Variants in MAPK10 observed in about 807,000 individuals in gnomAD.
The protein encoded by MAPK10 is mitogen-activated protein kinase 10, also known as JNK3 alpha protein kinase.
In MAPK10, 25 loss-of-function variants were observed where a neutral mutation model predicts 59.3. That is an observed-to-expected ratio of 0.42 (90% confidence interval 0.31 to 0.59). MAPK10 has a LOEUF of 0.59. Among genes scored for constraint, MAPK10 ranks in the 20% least tolerant of loss-of-function variants. The pLI is 0.15. For missense variants in MAPK10, 351 were observed against 568.9 expected (o/e 0.62, Z 3.90); for synonymous variants, 190 against 200.5 (o/e 0.95, Z 0.44).
intron 2 of MAPK10, among the ~76,000 whole-genome samples, chr4:86,198,744 A>G (rs1219879220): frequency 6.6e-6 from 1 of 151,654 alleles, no homozygotes; most frequent in Non-Finnish European, 1.5e-5. Context: ...TAAAATTAAT[A>G]ATCTGTGTAT....
intron 4 of MAPK10, among the ~76,000 whole-genome samples, chr4:86,148,015 T>G (rs2065424468): frequency 6.6e-6 from 1 of 152,192 alleles, no homozygotes; most frequent in Non-Finnish European, 1.5e-5. Context: ...ATTGATAAAT[T>G]TAATAGTTAA....
chr4:86,026,223 G>T (rs1750137758), intron 13 of MAPK10, among the ~76,000 whole-genome samples: 2 of 152,142 alleles, frequency 1.3e-5, no homozygotes, highest in Admixed American at 1.3e-4. Context: ...AGGTGGAAGA[G>T]GGCTGGTGAA....
At position 86,246,356 on chromosome 4, in the gene MAPK10, A is replaced by G. The variant is rs1277126651; in HGVS notation, c.-6-51949T>C. Among the ~76,000 whole-genome samples, 4 of 152,238 alleles carry G rather than the reference A, an allele frequency of 2.6e-5. No individual in the cohort carries two copies. The East Asian group carries it at 7.7e-4, about 29-fold the overall frequency. On this transcript the variant is annotated intron_variant, in intron 2 of 13. Transcript: ENST00000641462. Reference sequence around the variant, plus strand: ...TGAGGGAGGAGAATGGTGTGAACCCATGAGGCGGAGCTTGCAGTGAGCCAA... The same window carrying G: ...TGAGGGAGGAGAATGGTGTGAACCCGTGAGGCGGAGCTTGCAGTGAGCCAA...
At chr4:86,362,692 G>A (rs1737198323), upstream of MAPK10, among the ~76,000 whole-genome samples, 1 of 152,180 alleles carries the variant, frequency 6.6e-6, no homozygotes, top group East Asian at 1.9e-4. Flanking sequence ...ATATGAAAAA[G>A]TATTATATAT....
At chr4:86,305,924 G>A (rs577968831) in intron 2 of MAPK10, among the ~76,000 whole-genome samples, 1 of 151,966 alleles carries the variant, frequency 6.6e-6, no homozygotes, top group South Asian at 2.1e-4. Flanking sequence ...CAATTGTCAT[G>A]CTTAATATTA....
chr4:86,355,904 T>A (rs1316186154), intron 1 of MAPK10, among the ~76,000 whole-genome samples: 1 of 152,136 alleles, frequency 6.6e-6, no homozygotes, highest in Non-Finnish European at 1.5e-5. Flanking sequence ...CTTTAAGCAA[T>A]CCATTTTCAG....
At chr4:86,217,047 T>C (rs2087870962) in intron 2 of MAPK10, among the ~76,000 whole-genome samples, 1 of 152,148 alleles carries the variant, frequency 6.6e-6, no homozygotes, top group Non-Finnish European at 1.5e-5. Flanking sequence ...GGTAAATGGT[T>C]AGGAAACTTT....
chr4:86,173,255 A>G, intron 3 of MAPK10, among the ~76,000 whole-genome samples: 1 of 152,218 alleles, frequency 6.6e-6, no homozygotes, highest in East Asian at 1.9e-4. Context: ...ACAGTAGAAT[A>G]CGAGTATAAA....
chr4:86,561,004 C>T (rs114895867), intron 1 of MAPK10, among the ~76,000 whole-genome samples: 7,123 of 152,288 alleles, frequency 0.047, 216 homozygotes, highest in African/African-American at 0.059. Context: ...TTTTTGGCAC[C>T]AGGGACCAGT....
At chr4:86,425,893 C>T (rs551795502) in intron 1 of MAPK10, among the ~76,000 whole-genome samples, 4 of 152,136 alleles carry the variant, frequency 2.6e-5, no homozygotes, top group Non-Finnish European at 1.5e-5. Flanking sequence ...ATCATTCAAA[C>T]CTGGGAGGCA....
At chr4:86,137,787 G>A (rs1324770954) in intron 4 of MAPK10, among the ~76,000 whole-genome samples, 4 of 144,846 alleles carry the variant, frequency 2.8e-5, no homozygotes, top group African/African-American at 1.1e-4. Flanking sequence ...TAGACCGCTA[G>A]CAAGACTAAT....
chr4:86,141,153 A>G (rs1014716183), intron 4 of MAPK10, among the ~76,000 whole-genome samples: 3 of 152,216 alleles, frequency 2.0e-5, no homozygotes, highest in African/African-American at 4.8e-5. Context: ...ACCATGTTCT[A>G]AAGAGTTCAC....
intron 1 of MAPK10, among the ~76,000 whole-genome samples, chr4:86,447,694 T>C (rs1169465165): frequency 6.6e-6 from 1 of 152,146 alleles, no homozygotes; most frequent in Non-Finnish European, 1.5e-5. Context: ...ATAAACCATG[T>C]ATTGTAAACA....
intron 2 of MAPK10, among the ~76,000 whole-genome samples, chr4:86,213,879 C>T (rs1188549883): frequency 1.3e-5 from 2 of 152,044 alleles, no homozygotes; most frequent in African/African-American, 4.8e-5. Flanking sequence ...ATGAGACCAA[C>T]ACTGCCCTGA....
At chr4:86,040,341 C>G (rs1262944830) in intron 11 of MAPK10, among the ~76,000 whole-genome samples, 2 of 151,718 alleles carry the variant, frequency 1.3e-5, no homozygotes, top group Admixed American at 1.3e-4. Context: ...AAAGAGAAAT[C>G]CTATTGCCGA....
At chr4:86,438,243 A>G (rs1055134335) in intron 1 of MAPK10, among the ~76,000 whole-genome samples, 1 of 152,188 alleles carries the variant, frequency 6.6e-6, no homozygotes, top group African/African-American at 2.4e-5. Context: ...TGTATGTTAT[A>G]CTTAAATAAA....
intron 2 of MAPK10, among the ~76,000 whole-genome samples, chr4:86,271,618 A>G (rs957520885): frequency 2.6e-4 from 40 of 151,898 alleles, no homozygotes; most frequent in Non-Finnish European, 1.5e-5. Flanking sequence ...AAACTGGGTG[A>G]TTTATTATGT....
chr4:86,398,577 T>C (rs77946858), intron 1 of MAPK10, among the ~76,000 whole-genome samples: 73 of 152,312 alleles, frequency 4.8e-4, no homozygotes, highest in African/African-American at 1.7e-3. Flanking sequence ...TTTCTTACAA[T>C]ATTAATGTAC....
At chr4:86,394,994 A>G (rs1180244559) in intron 1 of MAPK10, among the ~76,000 whole-genome samples, 4 of 152,204 alleles carry the variant, frequency 2.6e-5, no homozygotes. Flanking sequence ...GTTGCTCTCC[A>G]AAATAAAAAG....
Sources: gnomAD v4.1 joint callset for allele counts (sites outside exome capture counted in the v4.1 genomes callset) on GRCh38, gnomAD v4.1.1 for gene constraint, MANE v1.5 for transcripts, NCBI Gene and HGNC (gene_info 2026-07-23, HGNC 2026-07-21) for gene names.